Variants in AUTS2 observed in about 807,000 individuals in gnomAD.
AUTS2 encodes the protein activator of transcription and developmental regulator AUTS2.
Under a neutral mutation model 112.4 loss-of-function variants are expected in AUTS2, and 17 were observed. The observed-to-expected ratio is 0.15, with a 90% CI of 0.10 to 0.23. AUTS2 has a LOEUF of 0.23. Ranked by LOEUF, AUTS2 falls within the 10% of genes least tolerant of loss-of-function variation. AUTS2 has a pLI of 1.00. For synonymous variants in AUTS2, 751 were observed against 702.7 expected, an observed-to-expected ratio of 1.07 and a Z score of -1.09; for missense variants, 1,510 against 1,701.6, an observed-to-expected ratio of 0.89 and a Z score of 1.98.
chr7:70,223,038 C>T (rs1490471750), intron 4 of AUTS2, among the ~76,000 whole-genome samples: 1 of 151,962 alleles, frequency 6.6e-6, no homozygotes, highest in East Asian at 1.9e-4. Flanking sequence ...CAGGTGCCCG[C>T]CACCACACCC....
Position 70,766,196 on chromosome 7 carries a change from G to A in AUTS2, c.1551G>A (p.Pro517=), listed in dbSNP as rs76384598. ...SADRGASLGP[P]PYLRTEFHQH... is the part of the protein sequence containing the mutation. ...ACCGCGGGGCTTCCCTGGGCCCTCC[G>A]CCCTACCTGCGGACCGAGTTCCATC... Residue 517 remains proline (P), a synonymous_variant, in exon 9 of 19, where the codon CCG becomes CCA. Transcript: ENST00000342771. This position sits in a 1 kb window ranked among gnomAD's most constrained non-coding sequence, Gnocchi z 4.8. 3.8e-4 allele frequency: 618 copies of A among 1,614,058 alleles called. 4 individuals are homozygous for A. The East Asian group carries it at 0.012, about 31-fold the overall frequency.
intron 6 of AUTS2, among the ~76,000 whole-genome samples, chr7:70,733,104 A>C (rs1787530464): frequency 6.6e-6 from 1 of 152,218 alleles, no homozygotes; most frequent in South Asian, 2.1e-4. Flanking sequence ...GTAAACATTT[A>C]CACCCTAGAT....
intron 2 of AUTS2, among the ~76,000 whole-genome samples, chr7:70,040,870 G>T (rs148378003): frequency 6.6e-6 from 1 of 152,230 alleles, no homozygotes; most frequent in South Asian, 2.1e-4. Context: ...GTGTCTGGAA[G>T]TGGAGATACA....
At chr7:70,091,533 C>T (rs1803919406) in intron 2 of AUTS2, among the ~76,000 whole-genome samples, 1 of 152,108 alleles carries the variant, frequency 6.6e-6, no homozygotes, top group African/African-American at 2.4e-5. Context: ...GTGACAGAAT[C>T]AAGTCTCGAC....
intron 2 of AUTS2, among the ~76,000 whole-genome samples, chr7:69,913,075 G>C (rs999202721): frequency 1.3e-5 from 2 of 152,166 alleles, no homozygotes; most frequent in East Asian, 3.9e-4. Flanking sequence ...TAAACACCAA[G>C]CTGCAACTAC....
At chr7:70,269,381 T>G (rs1223384006) in intron 4 of AUTS2, among the ~76,000 whole-genome samples, 1 of 150,344 alleles carries the variant, frequency 6.7e-6, no homozygotes, top group East Asian at 2.0e-4. Context: ...TATTACCTTT[T>G]CAGACCTTCC....
intron 4 of AUTS2, among the ~76,000 whole-genome samples, chr7:70,404,454 T>A (rs1208640547): frequency 6.6e-6 from 1 of 152,194 alleles, no homozygotes; most frequent in Non-Finnish European, 1.5e-5. Flanking sequence ...GTCCACTCCG[T>A]CTCCTCCATT....
chr7:70,718,639 G>T (rs1316357629), intron 6 of AUTS2, among the ~76,000 whole-genome samples: 2 of 152,012 alleles, frequency 1.3e-5, no homozygotes, highest in African/African-American at 4.8e-5. Context: ...CTCCAGCCTG[G>T]GCGACAGGGT....
At chr7:70,466,699 T>C (rs907050351) in intron 5 of AUTS2, among the ~76,000 whole-genome samples, 1 of 152,234 alleles carries the variant, frequency 6.6e-6, no homozygotes, top group Non-Finnish European at 1.5e-5. Flanking sequence ...AATGTATCAA[T>C]TTTAAACATT....
chr7:70,700,362 G>A (rs1809384778), intron 6 of AUTS2, among the ~76,000 whole-genome samples: 1 of 152,174 alleles, frequency 6.6e-6, no homozygotes, highest in Non-Finnish European at 1.5e-5. Flanking sequence ...CTTTTTCTAA[G>A]CTTTGCTTGG....
chr7:70,562,421 T>C (rs1230125913), intron 5 of AUTS2, among the ~76,000 whole-genome samples: 1 of 152,230 alleles, frequency 6.6e-6, no homozygotes, highest in African/African-American at 2.4e-5. Flanking sequence ...AACCCGTTAC[T>C]CCTACTGAAA....
chr7:69,616,051 T>C (rs752863695), intron 1 of AUTS2, among the ~76,000 whole-genome samples: 1 of 152,216 alleles, frequency 6.6e-6, no homozygotes. Flanking sequence ...GTATTTCATA[T>C]CTTCCCTGCA....
chr7:69,666,498 G>A (rs981595352), intron 1 of AUTS2, among the ~76,000 whole-genome samples: 1 of 152,138 alleles, frequency 6.6e-6, no homozygotes, highest in Non-Finnish European at 1.5e-5. Flanking sequence ...AAAACAAACA[G>A]AAAACCTACT....
At chr7:69,931,835 C>T (rs1222747460) in intron 2 of AUTS2, among the ~76,000 whole-genome samples, 4 of 152,190 alleles carry the variant, frequency 2.6e-5, no homozygotes, top group African/African-American at 7.2e-5. Flanking sequence ...AAGACTACCC[C>T]GCTTGTCAGG....
At chr7:69,832,804 C>T (rs1164984035) in intron 1 of AUTS2, among the ~76,000 whole-genome samples, 1 of 152,202 alleles carries the variant, frequency 6.6e-6, no homozygotes, top group Non-Finnish European at 1.5e-5. Flanking sequence ...TTTATACCTT[C>T]TATCCCTAAC....
rs190471891 is a variant in AUTS2 at position 69,895,270 on chromosome 7, T to A, written c.310-4016T>A. Among the ~76,000 whole-genome samples the A allele has an allele frequency of 1.1e-3, 168 of 152,306 alleles. 1 individual carries two copies. The East Asian group carries it at 0.012, about 11-fold the overall frequency. Reference sequence around the variant, plus strand: ...TTTTCTCCAAGACAGTCTGAAAAAATTAAATAGTTATTTTACTTTATAAAT... The same window carrying A: ...TTTTCTCCAAGACAGTCTGAAAAAAATAAATAGTTATTTTACTTTATAAAT... On this transcript the variant is annotated intron_variant, in intron 1 of 18. Transcript: ENST00000342771.
chr7:69,660,627 A>C (rs1191990106), intron 1 of AUTS2, among the ~76,000 whole-genome samples: 1 of 152,192 alleles, frequency 6.6e-6, no homozygotes, highest in Non-Finnish European at 1.5e-5. Context: ...CTAATGATGA[A>C]GCAAAACAAA....
intron 5 of AUTS2, among the ~76,000 whole-genome samples, chr7:70,617,225 A>G (rs1310778367): frequency 6.6e-6 from 1 of 152,174 alleles, no homozygotes; most frequent in Non-Finnish European, 1.5e-5. Context: ...CCTTGCAGAC[A>G]CTTACTTCGC....
chr7:70,461,905 T>C (rs1314450506), intron 5 of AUTS2, among the ~76,000 whole-genome samples: 2 of 152,142 alleles, frequency 1.3e-5, no homozygotes, highest in African/African-American at 4.8e-5. Context: ...ATCTGTTTCA[T>C]TGGCCTTTCT....
Sources: gnomAD v4.1 joint callset for allele counts (sites outside exome capture counted in the v4.1 genomes callset) on GRCh38, gnomAD v4.1.1 for gene constraint, Gnocchi (gnomAD v3.1) non-coding constraint, MANE v1.5 for transcripts, NCBI Gene and HGNC (gene_info 2026-07-23, HGNC 2026-07-21) for gene names.